The following CCSER1 variants were observed in gnomAD, a reference collection of about 807,000 sequenced individuals.
CCSER1 encodes coiled-coil serine rich protein 1, also known as serine-rich coiled-coil domain-containing protein 1.
CCSER1 carries 41 observed loss-of-function variants against 82.0 expected under a neutral mutation model. That is an observed-to-expected ratio of 0.50 (90% CI 0.39 to 0.65). The LOEUF is 0.65. Among genes scored for constraint, CCSER1 ranks in the 30% least tolerant of loss-of-function variants. The pLI, the probability that CCSER1 is intolerant of heterozygous loss-of-function variation, is 0.00. For missense variants in CCSER1, 1,119 were observed against 1,064.2 expected, an observed-to-expected ratio of 1.05 and a Z score of -0.72; for synonymous variants, 414 against 383.9, an observed-to-expected ratio of 1.08 and a Z score of -0.92.
At chr4:90,512,232 C>A (rs576189553) in intron 5 of CCSER1, among the ~76,000 whole-genome samples, 19 of 151,740 alleles carry the variant, frequency 1.3e-4, no homozygotes, top group African/African-American at 4.3e-4. Context: ...ACTGTCTCTA[C>A]TCCATACCCC....
intron 5 of CCSER1, among the ~76,000 whole-genome samples, chr4:90,481,757 C>T (rs532150906): frequency 6.6e-6 from 1 of 152,274 alleles, no homozygotes; most frequent in Admixed American, 6.5e-5. Flanking sequence ...TGATGTGTTG[C>T]TGGATTCGGT....
chr4:91,590,489 A>G (rs1764213676), intron 10 of CCSER1, among the ~76,000 whole-genome samples: 1 of 152,158 alleles, frequency 6.6e-6, no homozygotes, highest in South Asian at 2.1e-4. Context: ...GGCTACAAAC[A>G]GACACAGCAA....
At chr4:91,226,051 A>G (rs779272043) in intron 10 of CCSER1, among the ~76,000 whole-genome samples, 7 of 152,018 alleles carry the variant, frequency 4.6e-5, no homozygotes, top group Non-Finnish European at 7.4e-5. Flanking sequence ...CATGTACACA[A>G]TGTGCAGGTT....
intron 8 of CCSER1, among the ~76,000 whole-genome samples, chr4:90,882,603 A>G (rs1039763687): frequency 1.6e-4 from 25 of 152,224 alleles, no homozygotes; most frequent in African/African-American, 5.8e-4. Flanking sequence ...AACTAATTAT[A>G]GTTAAAAGAG....
intron 10 of CCSER1, among the ~76,000 whole-genome samples, chr4:91,274,139 A>G (rs1162112102): frequency 6.6e-6 from 1 of 152,210 alleles, no homozygotes; most frequent in African/African-American, 2.4e-5. Context: ...ATTAAAAAAT[A>G]AATTTGGCTA....
intron 10 of CCSER1, among the ~76,000 whole-genome samples, chr4:91,515,968 A>G (rs1760098599): frequency 6.7e-6 from 1 of 150,244 alleles, no homozygotes; most frequent in African/African-American, 2.5e-5. Context: ...AGTGATGTTG[A>G]GCATTTTTTT....
intron 5 of CCSER1, among the ~76,000 whole-genome samples, chr4:90,563,225 C>A (rs1778989377): frequency 6.6e-6 from 1 of 152,192 alleles, no homozygotes; most frequent in African/African-American, 2.4e-5. Flanking sequence ...AATTTTCCTG[C>A]CCCAGCCTCC....
chr4:90,153,297 TG>T lies in CCSER1; in HGVS notation c.-42+25469del, dbSNP rs1727273207. On this transcript the variant is annotated intron_variant, in intron 1 of 10. Transcript: ENST00000509176. ...ATCCAGTCTATCATTGTTGGACATT[TG>T]GGTTGGTTCCAAGTCTTTGCTATTG... Among the ~76,000 whole-genome samples the T allele has an allele frequency of 2.0e-5, 3 of 152,242 alleles. No homozygotes were observed. The South Asian group carries it at 6.2e-4, about 32-fold the overall frequency.
chr4:91,112,548 G>T (rs1373856308), intron 10 of CCSER1: 1 of 152,036 alleles, frequency 6.6e-6, no homozygotes, highest in South Asian at 2.1e-4. Flanking sequence ...TTCATTTAAT[G>T]TATTACTACT....
At chr4:91,513,666 C>CA (rs1284186353) in intron 10 of CCSER1, among the ~76,000 whole-genome samples, 1 of 152,068 alleles carries the variant, frequency 6.6e-6, no homozygotes, top group Admixed American at 6.6e-5. Context: ...TTCAGGGTTT[C>CA]AATTTCTTTC....
chr4:91,339,209 T>G (rs1278824644), intron 10 of CCSER1, among the ~76,000 whole-genome samples: 2 of 152,112 alleles, frequency 1.3e-5, no homozygotes, highest in African/African-American at 4.8e-5. Flanking sequence ...AAGGGAAAAC[T>G]GAAATGAAAG....
At chr4:91,511,258 G>T (rs1759808806) in intron 10 of CCSER1, among the ~76,000 whole-genome samples, 1 of 152,068 alleles carries the variant, frequency 6.6e-6, no homozygotes, top group Admixed American at 6.6e-5. Context: ...TGAGTAATAT[G>T]ATGCCTCTGG....
chr4:90,885,630 C>T (rs965319332), intron 8 of CCSER1, among the ~76,000 whole-genome samples: 4 of 151,978 alleles, frequency 2.6e-5, no homozygotes, highest in Non-Finnish European at 5.9e-5. Flanking sequence ...TGTGCTGGAA[C>T]GATGATGGAG....
At chr4:90,485,292 G>C (rs1429756355) in intron 5 of CCSER1, among the ~76,000 whole-genome samples, 1 of 152,184 alleles carries the variant, frequency 6.6e-6, no homozygotes, top group East Asian at 1.9e-4. Context: ...CTTTGACTAG[G>C]AAAGTGAATT....
chr4:91,561,534 A>G (rs561769487), intron 10 of CCSER1, among the ~76,000 whole-genome samples: 1 of 151,466 alleles, frequency 6.6e-6, no homozygotes, highest in African/African-American at 2.4e-5. Context: ...ATACTTAGTA[A>G]TTTTATTTAC....
At chr4:91,493,332 A>G (rs1033525646) in intron 10 of CCSER1, among the ~76,000 whole-genome samples, 4 of 151,880 alleles carry the variant, frequency 2.6e-5, no homozygotes, top group African/African-American at 9.7e-5. Flanking sequence ...AGATAATTAA[A>G]TCTAAAATAG....
At chr4:91,210,018 C>T (rs891085210) in intron 10 of CCSER1, among the ~76,000 whole-genome samples, 4 of 151,634 alleles carry the variant, frequency 2.6e-5, no homozygotes, top group Non-Finnish European at 4.4e-5. Flanking sequence ...AAATGGGCTA[C>T]TCTAGGGCTA....
intron 8 of CCSER1, among the ~76,000 whole-genome samples, chr4:90,866,929 A>G (rs548839779): frequency 2.2e-4 from 34 of 152,118 alleles, no homozygotes; most frequent in Non-Finnish European, 4.1e-4. Flanking sequence ...CACTGATTTG[A>G]CAGGAAGCAG....
chr4:91,462,346 T>C (rs534946591), intron 10 of CCSER1, among the ~76,000 whole-genome samples: 3 of 152,294 alleles, frequency 2.0e-5, no homozygotes, highest in Non-Finnish European at 2.9e-5. Context: ...TTGATAAATA[T>C]TTCTGTGAAA....
Sources: gnomAD v4.1 joint callset for allele counts (sites outside exome capture counted in the v4.1 genomes callset) on GRCh38, gnomAD v4.1.1 for gene constraint, MANE v1.5 for transcripts, NCBI Gene and HGNC (gene_info 2026-07-23, HGNC 2026-07-21) for gene names.